Variants in RGS20 observed in about 807,000 individuals in gnomAD.
The protein encoded by RGS20 is gz-selective GTPase-activating protein.
In RGS20, 30 loss-of-function variants were observed where a neutral mutation model predicts 33.6. The ratio of observed to expected loss-of-function variants is 0.89; its 90% CI spans 0.67 to 1.21. The LOEUF (loss-of-function observed/expected upper bound fraction) is 1.21. Ranked by LOEUF, RGS20 falls within the 50% of genes most tolerant of loss-of-function variation. RGS20 has a pLI of 0.00. For synonymous variants in RGS20, 208 were observed against 197.9 expected, an observed-to-expected ratio of 1.05 and a Z score of -0.43; for missense variants, 472 against 502.4, an observed-to-expected ratio of 0.94 and a Z score of 0.58.
chr8:53,929,878 T>G (rs991637008), intron 2 of RGS20, among the ~76,000 whole-genome samples: 4 of 152,220 alleles, frequency 2.6e-5, no homozygotes, highest in Non-Finnish European at 5.9e-5. Flanking sequence ...ATTAAAATTT[T>G]TTTTAATGTT....
chr8:53,930,920 G>A (rs1585932618), intron 2 of RGS20, among the ~76,000 whole-genome samples: 1 of 152,242 alleles, frequency 6.6e-6, no homozygotes, highest in Non-Finnish European at 1.5e-5. Flanking sequence ...GTGCTGGCTT[G>A]TCCTGAGGCC....
chr8:53,946,428 C>A (rs886224989), intron 3 of RGS20: 2 of 497,778 alleles, frequency 4.0e-6, no homozygotes, highest in African/African-American at 2.0e-5. Context: ...TAATTGAACA[C>A]AATAATTTCT....
At chr8:53,904,777 A>G (rs986232461) in intron 2 of RGS20, among the ~76,000 whole-genome samples, 6 of 152,240 alleles carry the variant, frequency 3.9e-5, no homozygotes, top group East Asian at 1.9e-4. Context: ...AAAGATTTCA[A>G]TCAGTACTTA....
intron 2 of RGS20, chr8:53,879,698 G>T (rs1413998912): frequency 1.8e-6 from 2 of 1,086,594 alleles, no homozygotes; most frequent in East Asian, 6.1e-5. Context: ...CGCTCCGCTG[G>T]GGCTAGCAGT....
At chr8:53,932,107 G>A (rs1298391604) in intron 2 of RGS20, among the ~76,000 whole-genome samples, 1 of 152,214 alleles carries the variant, frequency 6.6e-6, no homozygotes, top group Non-Finnish European at 1.5e-5. Context: ...GGCTTGTAGG[G>A]TTTCTGCAGA....
intron 2 of RGS20, among the ~76,000 whole-genome samples, chr8:53,884,805 C>T (rs1267613156): frequency 6.6e-6 from 1 of 152,196 alleles, no homozygotes; most frequent in Admixed American, 6.5e-5. Context: ...CATGTCGTGG[C>T]TACTGTTGTC....
At chr8:53,895,958 T>C (rs1252701542) in intron 2 of RGS20, among the ~76,000 whole-genome samples, 1 of 151,884 alleles carries the variant, frequency 6.6e-6, no homozygotes, top group African/African-American at 2.4e-5. Flanking sequence ...AGAATGGTTT[T>C]TACATTTTTT....
chr8:53,942,028 C>G (rs1345477318), intron 3 of RGS20, among the ~76,000 whole-genome samples: 3 of 152,194 alleles, frequency 2.0e-5, no homozygotes, highest in African/African-American at 7.2e-5. Flanking sequence ...AATCCCAGCA[C>G]TTTGGGAGGC....
intron 2 of RGS20, among the ~76,000 whole-genome samples, chr8:53,930,145 A>C (rs1253851891): frequency 1.3e-5 from 2 of 152,230 alleles, no homozygotes; most frequent in Non-Finnish European, 1.5e-5. Flanking sequence ...AAGCAAAGAG[A>C]CTAGTGTGAT....
intron 2 of RGS20, among the ~76,000 whole-genome samples, chr8:53,932,121 A>G (rs544230530): frequency 6.6e-6 from 1 of 152,088 alleles, no homozygotes; most frequent in South Asian, 2.1e-4. Flanking sequence ...CTGCAGAGAG[A>G]TGTGCTGTTA....
At chr8:53,957,243 C>T (rs565914247) in intron 5 of RGS20, among the ~76,000 whole-genome samples, 32 of 152,336 alleles carry the variant, frequency 2.1e-4, no homozygotes, top group Admixed American at 5.2e-4. Flanking sequence ...TCTCCTGCCT[C>T]GGCCTCCCGA....
chr8:53,934,779 C>T (rs1325939298), intron 2 of RGS20, among the ~76,000 whole-genome samples: 2 of 152,180 alleles, frequency 1.3e-5, no homozygotes, highest in Non-Finnish European at 2.9e-5. Context: ...ATCTACAGAA[C>T]TCTCAACCCC....
chr8:53,926,342 T>C (rs1813794857), intron 2 of RGS20, among the ~76,000 whole-genome samples: 1 of 152,218 alleles, frequency 6.6e-6, no homozygotes, highest in Non-Finnish European at 1.5e-5. Flanking sequence ...TCCTGCTTCT[T>C]AGGGTCTTTG....
chr8:53,890,252 A>G (rs1812677106), intron 2 of RGS20, among the ~76,000 whole-genome samples: 1 of 152,064 alleles, frequency 6.6e-6, no homozygotes, highest in Admixed American at 6.6e-5. Context: ...CAAATCATCT[A>G]GTGAGTTATT....
In RGS20 at chr8:53,880,870, G is replaced by A. The variant is rs1405264625; in HGVS notation, c.510+1268G>A. On this transcript the variant is annotated intron_variant, in intron 2 of 5. Coordinates refer to ENST00000297313, the MANE Select transcript of RGS20 (RefSeq NM_170587.4). ...AAAGGAGTGAGGGGGCGGGGAGGAG[G>A]CAGAGCAAGGGGAGGAAGAGGCCGG... 2.8e-6 allele frequency: 4 copies of A among 1,446,040 alleles called. No homozygotes were observed. The highest frequency in any genetic ancestry group is 9.1e-7 in the Non-Finnish European group (1 of 1,097,922). The allele number at this position is 1,446,040 out of a possible 1,614,324, so 89.6% of individuals were successfully genotyped here.
rs530809162 is a variant in RGS20 at position 53,858,743 on chromosome 8, T to C, written c.165+6679T>C. ...TTGAGACGCCCCCAAGCAAGGAAGG[T>C]GGAGAAGGGTCTCCGGTGATCAGCT... On this transcript the variant is annotated intron_variant, in intron 1 of 5. Transcript: ENST00000297313. Among the ~76,000 whole-genome samples the C allele has an allele frequency of 1.9e-3, 290 of 152,074 alleles. 2 individuals are homozygous for C. Among genetic ancestry groups the C allele is most frequent in the African/African-American group, 6.5e-3 (270 of 41,474 alleles).
chr8:53,955,706 C>T (rs1814846498), intron 5 of RGS20, among the ~76,000 whole-genome samples: 1 of 152,140 alleles, frequency 6.6e-6, no homozygotes, highest in African/African-American at 2.4e-5. Flanking sequence ...TAGCATTCAT[C>T]TGTAATCCCA....
chr8:53,869,193 A>C (rs1811997236), intron 1 of RGS20, among the ~76,000 whole-genome samples: 1 of 152,254 alleles, frequency 6.6e-6, no homozygotes, highest in African/African-American at 2.4e-5. Flanking sequence ...AGAATGCTAC[A>C]AGAAAAGAAG....
intron 5 of RGS20, among the ~76,000 whole-genome samples, chr8:53,957,979 T>TA (rs1270556448): frequency 3.3e-5 from 5 of 151,840 alleles, no homozygotes; most frequent in Non-Finnish European, 7.4e-5. Context: ...CCGTCTCTAC[T>TA]AAAAAAGTTA....
Sources: allele counts gnomAD v4.1 joint callset (sites outside exome capture counted in the v4.1 genomes callset), GRCh38; gene constraint gnomAD v4.1.1; transcripts MANE v1.5; gene names NCBI Gene and HGNC (gene_info 2026-07-23, HGNC 2026-07-21).